The following BCAT1 variants were observed in gnomAD, a reference collection of about 807,000 sequenced individuals.
BCAT1 encodes the protein branched chain amino acid transaminase 1, also known as branched-chain-amino-acid aminotransferase, cytosolic.
Under a neutral mutation model 52.4 loss-of-function variants are expected in BCAT1, and 48 were observed. That is an observed-to-expected ratio of 0.92 (90% CI 0.73 to 1.16). The LOEUF is 1.16. Among genes scored for constraint, BCAT1 ranks in the 50% most tolerant of loss-of-function variants. The pLI, the probability that BCAT1 is intolerant of heterozygous loss-of-function variation, is 0.00. For synonymous variants in BCAT1, 167 were observed against 161.3 expected (o/e 1.04, Z -0.27); for missense variants, 451 against 457.1 (o/e 0.99, Z 0.12).
chr12:24,900,042 TTTTG>T (rs140834393), intron 2 of BCAT1, among the ~76,000 whole-genome samples: 5,488 of 152,188 alleles, frequency 0.036, 118 homozygotes, highest in East Asian at 0.062. Context: ...TATATATATA[TTTTG>T]TTTGTTTGTT....
intron 3 of BCAT1, among the ~76,000 whole-genome samples, chr12:24,887,643 G>A (rs1392437677): frequency 1.3e-5 from 2 of 152,148 alleles, no homozygotes; most frequent in African/African-American, 4.8e-5. Flanking sequence ...TTCTTTATCT[G>A]GATGGCAAAT....
chr12:24,846,320 C>A lies in BCAT1; in HGVS notation c.674+3466G>T, dbSNP rs150678463. On this transcript the variant is annotated intron_variant, in intron 6 of 10. Transcript: ENST00000261192. ...TTTTAATTTTCCCAGAGTTCTCTCA[C>A]AGGTGTAAGCTGTATTATTAATGTC... 5.9e-3 allele frequency among the ~76,000 whole-genome samples: 903 copies of A among 152,306 alleles called. 10 individuals carry two copies. The highest frequency in any genetic ancestry group is 0.021 in the African/African-American group (855 of 41,562).
intron 1 of BCAT1, chr12:24,902,452 C>A (rs1239210684): frequency 2.0e-6 from 2 of 1,006,452 alleles, no homozygotes; most frequent in Non-Finnish European, 2.4e-6. Flanking sequence ...GGAAGCGGGA[C>A]TAATTGGGAA....
chr12:24,868,925 G>T (rs1304509052), intron 5 of BCAT1, among the ~76,000 whole-genome samples: 1 of 152,094 alleles, frequency 6.6e-6, no homozygotes, highest in Non-Finnish European at 1.5e-5. Context: ...CATAGACTAG[G>T]AAGTTATTTG....
At chr12:24,836,281 T>C (rs1025006007) in intron 8 of BCAT1, among the ~76,000 whole-genome samples, 1 of 152,218 alleles carries the variant, frequency 6.6e-6, no homozygotes. Flanking sequence ...ACTTCTCCAC[T>C]ATGACATCTT....
At chr12:24,910,023 G>T (rs957594618) in intron 1 of BCAT1, among the ~76,000 whole-genome samples, 2 of 152,074 alleles carry the variant, frequency 1.3e-5, no homozygotes, top group African/African-American at 2.4e-5. Flanking sequence ...AGACCATAAG[G>T]CTGACTCAGA....
intron 5 of BCAT1, among the ~76,000 whole-genome samples, chr12:24,871,576 T>G (rs4462438): frequency 0.84 from 128,161 of 152,172 alleles, 54,291 homozygotes; most frequent in East Asian, 1. Flanking sequence ...TCCTGAGAAT[T>G]ATTTCTAGTG....
intron 3 of BCAT1, among the ~76,000 whole-genome samples, chr12:24,884,273 C>T (rs771011899): frequency 5.9e-5 from 9 of 152,216 alleles, no homozygotes; most frequent in Admixed American, 5.2e-4. Flanking sequence ...CACGATTTCA[C>T]TCATATGTGG....
At chr12:24,931,352 G>A (rs1015793978) in intron 1 of BCAT1, among the ~76,000 whole-genome samples, 1 of 152,010 alleles carries the variant, frequency 6.6e-6, no homozygotes, top group Non-Finnish European at 1.5e-5. Flanking sequence ...TAAATTAGAA[G>A]ATCAAACAAG....
rs773604066 is a variant in BCAT1 at position 24,849,898 on chromosome 12, T to C, written c.562A>G (p.Ser188Gly). The part of the protein sequence containing the change: ...PTKALLFVLL[S>G]PVGPYFSSGT... ...CTTGAAAAATAAGGTCCCACTGGGC[T>C]CAAGAGTACAAAGAGCAGGGCTTTG... The change falls in exon 6 of 11, where the codon AGC becomes GGC. Residue 188 changes from serine to glycine, a missense_variant. Ser to Gly is a moderately conservative substitution (Grantham distance 56). Transcript: ENST00000261192. 212 of 1,613,706 alleles carry C rather than the reference T, an allele frequency of 1.3e-4. No homozygotes were observed. The highest frequency in any genetic ancestry group is 2.9e-4 in the South Asian group (26 of 91,028).
intron 8 of BCAT1, chr12:24,834,445 A>C (rs1160606097): frequency 2.0e-6 from 2 of 984,540 alleles, no homozygotes; most frequent in East Asian, 2.3e-4. Context: ...CTATCTGTTT[A>C]ATTCTTGTTC....
At chr12:24,943,374 TC>T in intron 1 of BCAT1, among the ~76,000 whole-genome samples, 1 of 151,008 alleles carries the variant, frequency 6.6e-6, no homozygotes, top group Middle Eastern at 3.5e-3. Context: ...ATGCCTGTGG[TC>T]CCAGCTACTC....
intron 10 of BCAT1, among the ~76,000 whole-genome samples, chr12:24,826,719 C>T (rs1267070701): frequency 1.3e-5 from 2 of 152,118 alleles, no homozygotes; most frequent in Non-Finnish European, 2.9e-5. Context: ...CTGTAAATTG[C>T]TTTGTGTAGT....
At chr12:24,872,529 G>A (rs1942208276) in intron 5 of BCAT1, among the ~76,000 whole-genome samples, 1 of 152,194 alleles carries the variant, frequency 6.6e-6, no homozygotes, top group South Asian at 2.1e-4. Flanking sequence ...TTAACTAAAT[G>A]CAGACAGCTT....
At chr12:24,934,903 T>C (rs1047345158) in intron 1 of BCAT1, among the ~76,000 whole-genome samples, 12 of 152,234 alleles carry the variant, frequency 7.9e-5, no homozygotes, top group African/African-American at 2.9e-4. Flanking sequence ...CACATTTTGA[T>C]ACCAGCTGCT....
chr12:24,880,299 T>A (rs1591833778), intron 4 of BCAT1, among the ~76,000 whole-genome samples: 6 of 152,188 alleles, frequency 3.9e-5, no homozygotes, highest in Middle Eastern at 3.4e-3. Flanking sequence ...AAATAATTTT[T>A]AAAAAAATTA....
At chr12:24,821,046 TC>T (rs1566551130) in intron 10 of BCAT1, among the ~76,000 whole-genome samples, 1 of 152,144 alleles carries the variant, frequency 6.6e-6, no homozygotes, top group Non-Finnish European at 1.5e-5. Context: ...GGGAAGCTGG[TC>T]CAGGGACTGA....
At chr12:24,878,762 A>G (rs1942416583) in intron 4 of BCAT1, 113 bp from the exon 5 acceptor site, 6 of 1,047,480 alleles carry the variant, frequency 5.7e-6, no homozygotes. Context: ...CCAACACAAA[A>G]AAATAAGAAA....
chr12:24,821,377 T>C (rs1425893062), intron 10 of BCAT1, among the ~76,000 whole-genome samples: 2 of 152,192 alleles, frequency 1.3e-5, no homozygotes, highest in Non-Finnish European at 1.5e-5. Flanking sequence ...CTTCCCACTT[T>C]ATGGAGCTTC....
Sources: allele counts gnomAD v4.1 joint callset (sites outside exome capture counted in the v4.1 genomes callset), GRCh38; gene constraint gnomAD v4.1.1; transcripts MANE v1.5; gene names NCBI Gene and HGNC (gene_info 2026-07-23, HGNC 2026-07-21).